Variants in NLRC5 observed in about 807,000 individuals in gnomAD.
NLRC5 encodes protein NLRC5.
A neutral mutation model predicts 206.9 loss-of-function variants in NLRC5; 114 were observed. The ratio of observed to expected loss-of-function variants is 0.55; its 90% confidence interval spans 0.47 to 0.64. The LOEUF (loss-of-function observed/expected upper bound fraction) is 0.64. Ranked by LOEUF, NLRC5 falls within the 30% of genes least tolerant of loss-of-function variation. NLRC5 has a pLI of 0.00. For missense variants in NLRC5, 2,008 were observed against 2,305.5 expected (o/e 0.87, Z 2.64); for synonymous variants, 952 against 962.8 (o/e 0.99, Z 0.21).
At chr16:56,996,656 AC>A (rs1196988032) in intron 1 of NLRC5, among the ~76,000 whole-genome samples, 11 of 152,228 alleles carry the variant, frequency 7.2e-5, no homozygotes, top group African/African-American at 2.2e-4. Context: ...TTATACACTT[AC>A]CCCTAGAGGG....
At chr16:57,080,481 A>ATTTTTTTTT (rs34595999) in intron 46 of NLRC5, among the ~76,000 whole-genome samples, 3 of 111,174 alleles carry the variant, frequency 2.7e-5, no homozygotes, top group African/African-American at 1.0e-4. Context: ...TCCTTTCAAG[A>ATTTTTTTTT]TTTTTTTTTT....
chr16:57,030,412 C>CTGGA (rs2061689627), intron 10 of NLRC5, among the ~76,000 whole-genome samples: 2 of 17,474 alleles, frequency 1.1e-4, no homozygotes, highest in Admixed American at 5.5e-4. Context: ...GGATGGATGG[C>CTGGA]TGAAAAGATG....
At chr16:57,060,485 C>T (rs563452779) in intron 30 of NLRC5, among the ~76,000 whole-genome samples, 3 of 151,356 alleles carry the variant, frequency 2.0e-5, no homozygotes, top group South Asian at 4.2e-4. Flanking sequence ...AACACACAAA[C>T]GCACCACATA....
intron 32 of NLRC5, among the ~76,000 whole-genome samples, chr16:57,064,576 G>A (rs1003463206): frequency 1.3e-5 from 2 of 152,016 alleles, no homozygotes; most frequent in East Asian, 3.9e-4. Context: ...TTTATATACA[G>A]TTTGGTTTCC....
Position 57,028,096 on chromosome 16 carries a change from T to A in NLRC5, c.2100T>A (p.Asp700Glu). The change falls in exon 7 of 49, where the codon GAT (aspartate) becomes GAA (glutamate). Residue 700 changes from aspartate to glutamate, a missense_variant. Transcript: ENST00000688547. ...NLSFKSRKCG[D>E]AFAEALSRSL... is the part of the protein sequence containing the mutation. ...GCTTTAAGAGCAGGAAGTGTGGGGA[T>A]GCCTTTGCAGAAGCCCTCTCCAGGA... 1.2e-6 allele frequency: 2 copies of A among 1,613,664 alleles called. No homozygotes were observed. The highest frequency in any genetic ancestry group is 1.7e-6 in the Non-Finnish European group (2 of 1,179,770).
intron 47 of NLRC5, 33 bp from the exon 48 acceptor site, chr16:57,081,492 TTC>T (rs1454949005): frequency 1.2e-6 from 2 of 1,600,896 alleles, no homozygotes; most frequent in Non-Finnish European, 1.7e-6. Context: ...ATGGCCGTGT[TTC>T]TCTTTCCCCT....
chr16:57,057,918 T>C (rs565849222), intron 27 of NLRC5, 147 bp from the exon 28 acceptor site: 82 of 677,584 alleles, frequency 1.2e-4, no homozygotes, highest in Non-Finnish European at 1.9e-4. Context: ...GTGGTGATAC[T>C]GGTGATGGTG....
chr16:57,036,724 G>T, intron 14 of NLRC5, among the ~76,000 whole-genome samples: 1 of 151,978 alleles, frequency 6.6e-6, no homozygotes, highest in East Asian at 1.9e-4. Flanking sequence ...TGTTGAGATT[G>T]GGTAGCAGTG....
chr16:57,003,843 T>A (rs1181593830), intron 1 of NLRC5: 1 of 152,126 alleles, frequency 6.6e-6, no homozygotes. Flanking sequence ...ACCTAGAAGA[T>A]CCTCATTTTA....
chr16:57,027,545 A>G (rs1044938277), intron 6 of NLRC5, among the ~76,000 whole-genome samples: 2 of 152,230 alleles, frequency 1.3e-5, no homozygotes, highest in Admixed American at 6.5e-5. Context: ...ATAATGTAGA[A>G]TTTTATTTCT....
chr16:57,058,902 G>A, intron 28 of NLRC5, 70 bp from the exon 29 acceptor site: 3 of 1,277,580 alleles, frequency 2.3e-6, no homozygotes, highest in Non-Finnish European at 2.3e-6. Flanking sequence ...GAAGGGAGAT[G>A]GAGGGGGCTG....
At chr16:56,994,564 G>A (rs1191178230) in intron 1 of NLRC5, among the ~76,000 whole-genome samples, 1 of 152,204 alleles carries the variant, frequency 6.6e-6, no homozygotes, top group Non-Finnish European at 1.5e-5. Flanking sequence ...GGAAGTGACT[G>A]CAGTGAAGAA....
Position 57,028,356 on chromosome 16 carries a change from G to C in NLRC5, c.2214G>C (p.Leu738Phe), listed in dbSNP as rs1353692088. The C allele has an allele frequency of 6.2e-7, 1 of 1,614,062 alleles. No individual in the cohort carries two copies. The highest frequency in any genetic ancestry group is 1.3e-5 in the African/African-American group (1 of 74,934). ...ARGISHLVKA[L>F]PLCPQLKEVS... ...GCATCAGCCACCTGGTGAAAGCTTT[G>C]CCTCTCTGTCCACAGCTGAAAGAAG... is the stretch of plus-strand genomic sequence containing the variant. Residue 738 changes from leucine to phenylalanine, a missense_variant, in exon 8 of 49, where the codon TTG becomes TTC. Transcript: ENST00000688547.
intron 1 of NLRC5, among the ~76,000 whole-genome samples, chr16:57,014,966 T>C (rs2059894152): frequency 6.6e-6 from 1 of 151,826 alleles, no homozygotes. Context: ...TCTTGCTCTG[T>C]TGCCCAGACT....
intron 1 of NLRC5, chr16:57,013,180 G>T (rs1334260081): frequency 5.2e-6 from 2 of 383,388 alleles, no homozygotes; most frequent in African/African-American, 2.2e-5. Context: ...TTTACCAAAG[G>T]GATTGACTTC....
intron 27 of NLRC5, among the ~76,000 whole-genome samples, chr16:57,056,101 G>A (rs2065621811): frequency 6.6e-6 from 1 of 152,176 alleles, no homozygotes; most frequent in African/African-American, 2.4e-5. Flanking sequence ...TGAGGGAACT[G>A]AGACACAGAG....
At chr16:57,022,148 C>A (rs2060740186) in intron 3 of NLRC5, 108 bp from the exon 4 acceptor site, 2 of 803,224 alleles carry the variant, frequency 2.5e-6, no homozygotes, top group Admixed American at 5.2e-5. Context: ...TTCTCCCTTG[C>A]TGGGTATCTC....
intron 1 of NLRC5, among the ~76,000 whole-genome samples, chr16:57,002,651 T>G (rs1421055871): frequency 4.1e-5 from 6 of 146,792 alleles, no homozygotes; most frequent in African/African-American, 7.6e-5. Context: ...TTTTGTTTTT[T>G]TTTTTTTTTT....
intron 43 of NLRC5, 68 bp downstream of exon 43, chr16:57,078,088 GTCC>G: frequency 7.5e-7 from 1 of 1,336,760 alleles, no homozygotes; most frequent in South Asian, 1.5e-5. Flanking sequence ...CAGTGGGGGG[GTCC>G]AGGCCCCCAT....
Sources: allele counts gnomAD v4.1 joint callset (sites outside exome capture counted in the v4.1 genomes callset), GRCh38; gene constraint gnomAD v4.1.1; transcripts MANE v1.5; gene names NCBI Gene and HGNC (gene_info 2026-07-23, HGNC 2026-07-21).